Variants in MDGA2 observed in about 807,000 individuals in gnomAD.
The protein encoded by MDGA2 is MAM domain containing glycosylphosphatidylinositol anchor 2.
Under a neutral mutation model 117.8 loss-of-function variants are expected in MDGA2, and 40 were observed. That is an observed-to-expected ratio of 0.34 (90% CI 0.26 to 0.44). The LOEUF (loss-of-function observed/expected upper bound fraction) is 0.44. Ranked by LOEUF, MDGA2 falls within the 20% of genes least tolerant of loss-of-function variation. The pLI is 1.00. For synonymous variants in MDGA2, 452 were observed against 439.0 expected (o/e 1.03, Z -0.37); for missense variants, 1,123 against 1,250.6 (o/e 0.90, Z 1.54).
chr14:47,192,606 G>A (rs1566674198), intron 3 of MDGA2, among the ~76,000 whole-genome samples: 1 of 151,954 alleles, frequency 6.6e-6, no homozygotes, highest in Admixed American at 6.6e-5. Context: ...GTGACACAGG[G>A]AGACCCTGTC....
chr14:47,400,222 A>G (rs138775113), intron 1 of MDGA2, among the ~76,000 whole-genome samples: 2 of 152,256 alleles, frequency 1.3e-5, no homozygotes, highest in African/African-American at 2.4e-5. Flanking sequence ...TTATTCTTCA[A>G]TGTGTATACT....
chr14:47,596,372 T>C (rs1896542512), intron 1 of MDGA2, among the ~76,000 whole-genome samples: 1 of 152,206 alleles, frequency 6.6e-6, no homozygotes, highest in African/African-American at 2.4e-5. Flanking sequence ...TAGCTCTTCA[T>C]CATCTTCAGA....
intron 3 of MDGA2, among the ~76,000 whole-genome samples, chr14:47,153,599 T>A (rs1883245900): frequency 6.6e-6 from 1 of 151,094 alleles, no homozygotes; most frequent in Admixed American, 6.6e-5. Flanking sequence ...ATCAGTATGC[T>A]GTGGAGGGGA....
intron 7 of MDGA2, among the ~76,000 whole-genome samples, chr14:47,059,909 G>A (rs553225203): frequency 6.6e-6 from 1 of 152,048 alleles, no homozygotes; most frequent in South Asian, 2.1e-4. Context: ...ATATTGGAAT[G>A]TCATACAGTA....
Position 47,311,998 on chromosome 14 carries a change from ATTAAG to A in MDGA2, c.281-10453_281-10449del, listed in dbSNP as rs1889651212. Among the ~76,000 whole-genome samples the A allele has an allele frequency of 2.6e-5, 4 of 152,308 alleles. No homozygotes were observed. In the South Asian group the frequency reaches 8.3e-4, roughly 32 times the overall value. ...ATACTCTGATAAAAAAGATACTCTT[ATTAAG>A]TTAATTGGTGCCATGAGAATCTAAA... On this transcript the variant is annotated intron_variant, in intron 1 of 16. Transcript: ENST00000399232.
intron 8 of MDGA2, among the ~76,000 whole-genome samples, chr14:47,030,822 C>A (rs1319161475): frequency 6.6e-6 from 1 of 152,078 alleles, no homozygotes; most frequent in Non-Finnish European, 1.5e-5. Context: ...TGTTTCAAAA[C>A]ACTTATATTT....
intron 2 of MDGA2, among the ~76,000 whole-genome samples, chr14:47,227,570 A>G (rs1886549682): frequency 6.6e-6 from 1 of 152,228 alleles, no homozygotes; most frequent in East Asian, 1.9e-4. Context: ...ATTTTGCCTT[A>G]ACCAATGGTA....
At chr14:47,044,404 A>G (rs1192556369) in intron 7 of MDGA2, among the ~76,000 whole-genome samples, 1 of 152,194 alleles carries the variant, frequency 6.6e-6, no homozygotes, top group Non-Finnish European at 1.5e-5. Context: ...TGTCCACTCC[A>G]TGACTTTCCT....
In MDGA2 at chr14:46,875,121, T is replaced by C. The variant is rs541250147; in HGVS notation, c.2438-921A>G. 2.0e-4 allele frequency among the ~76,000 whole-genome samples: 30 copies of C among 151,934 alleles called. No homozygotes were observed. The South Asian group carries it at 5.6e-3, about 28-fold the overall frequency. ...TGAGGCTTTACAGAGGAGAAAACTT[T>C]GGCAAAGGTCAGCTATTAAATGATA... On this transcript the variant is annotated intron_variant, in intron 12 of 16. Coordinates refer to ENST00000399232, the MANE Select transcript of MDGA2 (RefSeq NM_001113498.3).
rs35453737 is a variant in MDGA2 at position 47,239,234 on chromosome 14, A to AG, written c.421-21040dup. Among the ~76,000 whole-genome samples, 2 of 150,624 alleles carry AG rather than the reference A, an allele frequency of 1.3e-5. 1 individual carries two copies. Among genetic ancestry groups the AG allele is most frequent in the African/African-American group, 4.9e-5 (2 of 41,122 alleles). On this transcript the variant is annotated intron_variant, in intron 2 of 16. Coordinates refer to ENST00000399232, the MANE Select transcript of MDGA2 (RefSeq NM_001113498.3). ...AGTCAAAATTTATTAAAAAAAAAAA[A>AG]GGGCTCTGATAAGTGCTAAATTAAA...
chr14:46,862,487 T>C (rs533973011), intron 14 of MDGA2, among the ~76,000 whole-genome samples: 12 of 150,042 alleles, frequency 8.0e-5, no homozygotes, highest in Admixed American at 2.0e-4. Context: ...CTTAAGTTCT[T>C]AACATAATTT....
chr14:47,539,061 A>G (rs1027668664), intron 1 of MDGA2, among the ~76,000 whole-genome samples: 1 of 152,184 alleles, frequency 6.6e-6, no homozygotes, highest in Non-Finnish European at 1.5e-5. Flanking sequence ...TGTCTAGCCT[A>G]GTGGAAACTT....
At position 46,964,588 on chromosome 14, in the gene MDGA2, T is replaced by C. The variant is rs537436090; in HGVS notation, c.1820-6945A>G. Among the ~76,000 whole-genome samples the C allele has an allele frequency of 2.0e-5, 3 of 152,270 alleles. No homozygotes were observed. In the East Asian group the frequency reaches 5.8e-4, roughly 29 times the overall value. On this transcript the variant is annotated intron_variant, in intron 8 of 16. Coordinates refer to ENST00000399232, the MANE Select transcript of MDGA2 (RefSeq NM_001113498.3). The stretch of plus-strand genomic sequence containing the variant: ...AGCAAATACATTGAGGACAAAGGTA[T>C]CCGGGAGCCAGAACGTTTCAGTTAA...
intron 7 of MDGA2, among the ~76,000 whole-genome samples, chr14:47,038,551 A>G (rs1227668121): frequency 6.6e-6 from 1 of 152,146 alleles, no homozygotes; most frequent in Admixed American, 6.5e-5. Flanking sequence ...ATAAACCTCA[A>G]TTTTAATCTC....
chr14:47,408,056 C>CTTTTTTTTTTTTTTTTTTTT (rs56285818), intron 1 of MDGA2, among the ~76,000 whole-genome samples: 1 of 115,184 alleles, frequency 8.7e-6, no homozygotes, highest in Admixed American at 1.0e-4. Flanking sequence ...GGAGATTATT[C>CTTTTTTTTTTTTTTTTTTTT]TTTTTTTTTT....
At position 47,010,061 on chromosome 14, in the gene MDGA2, T is replaced by C. The variant is rs775133784; in HGVS notation, c.1819+24950A>G. 9.2e-4 allele frequency among the ~76,000 whole-genome samples: 140 copies of C among 152,162 alleles called. 1 individual carries two copies. Among genetic ancestry groups the C allele is most frequent in the Non-Finnish European group, 6.6e-4 (45 of 67,986 alleles). Reference sequence around the variant, plus strand: ...TGATTACTCCTTCTACTATGTAGGATTGAATCTTCCTCCATTAATGATCTT... The same window carrying C: ...TGATTACTCCTTCTACTATGTAGGACTGAATCTTCCTCCATTAATGATCTT... On this transcript the variant is annotated intron_variant, in intron 8 of 16. Transcript: ENST00000399232.
intron 5 of MDGA2, among the ~76,000 whole-genome samples, chr14:47,116,385 T>G (rs1437732666): frequency 6.6e-6 from 1 of 152,016 alleles, no homozygotes; most frequent in African/African-American, 2.4e-5. Flanking sequence ...ATTCTAATGG[T>G]ATTTTTTACA....
At chr14:47,376,290 A>C (rs567568830) in intron 1 of MDGA2, among the ~76,000 whole-genome samples, 1 of 152,306 alleles carries the variant, frequency 6.6e-6, no homozygotes, top group African/African-American at 2.4e-5. Flanking sequence ...AATGAGCCAA[A>C]TATTTTACAC....
At chr14:47,499,798 G>A (rs1005659133) in intron 1 of MDGA2, among the ~76,000 whole-genome samples, 2 of 152,108 alleles carry the variant, frequency 1.3e-5, no homozygotes, top group African/African-American at 2.4e-5. Flanking sequence ...GCGATTCCAT[G>A]CTTGAGAATT....
Sources: gnomAD v4.1 joint callset for allele counts (sites outside exome capture counted in the v4.1 genomes callset) on GRCh38, gnomAD v4.1.1 for gene constraint, MANE v1.5 for transcripts, NCBI Gene and HGNC (gene_info 2026-07-23, HGNC 2026-07-21) for gene names.